Variants in SH3TC1 observed in about 807,000 individuals in gnomAD.
The protein encoded by SH3TC1 is SH3 domain and tetratricopeptide repeats 1.
In SH3TC1, 135 loss-of-function variants were observed where a neutral mutation model predicts 117.3. The ratio of observed to expected loss-of-function variants is 1.15; its 90% confidence interval spans 1.00 to 1.33. The LOEUF is 1.33. SH3TC1 is among the 40% of genes most tolerant of loss of function. The probability of loss-of-function intolerance (pLI) is 0.00; values close to 1 mark genes in which losing one functional copy is unlikely to be tolerated. For missense variants in SH3TC1, 2,092 were observed against 1,794.3 expected (o/e 1.17, Z -3.00); for synonymous variants, 898 against 816.9 (o/e 1.10, Z -1.69).
intron 9 of SH3TC1, among the ~76,000 whole-genome samples, chr4:8,222,361 GTTTTTTTTT>G (rs5856006): frequency 1.2e-4 from 5 of 40,318 alleles, no homozygotes; most frequent in African/African-American, 2.0e-4. Context: ...TCAGGATCTG[GTTTTTTTTT>G]TTTTTTTTTT....
chr4:8,188,169 G>A (rs1277469461), intron 1 of SH3TC1, among the ~76,000 whole-genome samples: 1 of 152,154 alleles, frequency 6.6e-6, no homozygotes, highest in Non-Finnish European at 1.5e-5. Flanking sequence ...AGCTCTCTAC[G>A]GGCAGGACTG....
At chr4:8,189,822 G>A (rs1717358390) in intron 1 of SH3TC1, among the ~76,000 whole-genome samples, 2 of 152,280 alleles carry the variant, frequency 1.3e-5, no homozygotes, top group East Asian at 1.9e-4. Flanking sequence ...CCCCGCCGGC[G>A]TGAGCTCCCC....
At chr4:8,228,711 T>G in intron 12 of SH3TC1, 67 bp downstream of exon 12, 1 of 1,262,900 alleles carries the variant, frequency 7.9e-7, no homozygotes, top group Non-Finnish European at 1.1e-6. Flanking sequence ...CTGGGGTTTG[T>G]GATTCAGACA....
rs1289056170 is a variant in SH3TC1 at position 8,214,485 on chromosome 4, C to A, written c.386C>A (p.Ala129Asp). Residue 129 changes from alanine (A) to aspartate (D), a missense_variant, in exon 5 of 18, where the codon GCC becomes GAC. By Grantham distance (126) the Ala-to-Asp change is moderately radical. Coordinates refer to ENST00000245105, the MANE Select transcript of SH3TC1 (RefSeq NM_018986.5). Reference protein sequence around the residue: ...EMARVLGELSARLLSIHSDQD... With the variant: ...EMARVLGELSDRLLSIHSDQD... ...TTTCTTTCTCTTAAGGAATTATCAG[C>A]CAGGCTGCTGTCCATCCACAGTGAC... is the stretch of plus-strand genomic sequence containing the variant. The A allele has an allele frequency of 1.5e-5, 24 of 1,613,706 alleles. No homozygotes were observed.
At position 8,225,205 on chromosome 4, in the gene SH3TC1, C is replaced by T. The variant is rs769131115; in HGVS notation, c.1274C>T (p.Pro425Leu). 20 of 1,613,810 alleles carry T rather than the reference C, an allele frequency of 1.2e-5. No homozygotes were observed. Among genetic ancestry groups the T allele is most frequent in the Non-Finnish European group, 1.6e-5 (19 of 1,179,916 alleles). The change falls in exon 11 of 18, where the codon CCG (proline) becomes CTG (leucine). Residue 425 changes from proline (P) to leucine (L), a missense_variant. Physicochemically the swap from Pro to Leu is moderately conservative, Grantham distance 98. Coordinates refer to ENST00000245105, the MANE Select transcript of SH3TC1 (RefSeq NM_018986.5). The surrounding 1 kb of genome is among the most constrained non-coding windows in gnomAD (Gnocchi z 5.5). ...GTAGAGGAAGCTGAGACCGAGCAGCCGCAGGAAAAAGGTGGGTTTTGCCAG... is the reference window on the plus strand; with the variant it reads ...GTAGAGGAAGCTGAGACCGAGCAGCTGCAGGAAAAAGGTGGGTTTTGCCAG... ...DSVEEAETEQ[P>L]QEKEIPPPCL... is the part of the protein sequence containing the mutation.
chr4:8,236,256 A>C (rs997099201), intron 15 of SH3TC1, 22 bp from the exon 16 acceptor site: 1 of 1,531,138 alleles, frequency 6.5e-7, no homozygotes, highest in East Asian at 2.5e-5. Flanking sequence ...GGGAAGCCTG[A>C]CCCCACCTGC....
intron 12 of SH3TC1, chr4:8,231,381 T>A (rs1484467028): frequency 6.4e-6 from 1 of 155,134 alleles, no homozygotes; most frequent in African/African-American, 2.4e-5. Context: ...GTGGCGTGTG[T>A]GATAGATGTC....
chr4:8,229,975 T>C (rs944045923), intron 12 of SH3TC1, among the ~76,000 whole-genome samples: 1 of 142,804 alleles, frequency 7.0e-6, no homozygotes, highest in Non-Finnish European at 1.6e-5. Context: ...GGATCATGCT[T>C]CCCTGTCTCC....
intron 12 of SH3TC1, among the ~76,000 whole-genome samples, chr4:8,230,940 C>T (rs893062139): frequency 4.6e-5 from 7 of 151,826 alleles, no homozygotes; most frequent in Non-Finnish European, 7.4e-5. Context: ...CCACCACACC[C>T]GGCTAATTTT....
intron 3 of SH3TC1, among the ~76,000 whole-genome samples, 153 bp from the exon 4 acceptor site, chr4:8,212,548 G>C (rs1718840349): frequency 6.6e-6 from 1 of 152,220 alleles, no homozygotes; most frequent in Non-Finnish European, 1.5e-5. Flanking sequence ...GCAAGGTTGA[G>C]ATCTAAACCC....
chr4:8,211,907 G>C (rs1180108147), intron 3 of SH3TC1, among the ~76,000 whole-genome samples: 1 of 152,110 alleles, frequency 6.6e-6, no homozygotes, highest in East Asian at 1.9e-4. Flanking sequence ...AGGGCCGATG[G>C]GTCGGACCAT....
At position 8,212,683 on chromosome 4, in the gene SH3TC1, C is replaced by T; in HGVS notation, c.248-18C>T. On this transcript the variant is annotated intron_variant, in intron 3 of 17. Transcript: ENST00000245105. ...GCCCAGGTCAGACCAACTGCCCAAC[C>T]TCCGTCTGCCCCTCCAGACCTGACC... is the stretch of plus-strand genomic sequence containing the variant. The T allele has an allele frequency of 9.9e-6, 16 of 1,612,776 alleles. No homozygotes were observed. Among genetic ancestry groups the T allele is most frequent in the Non-Finnish European group, 1.2e-5 (14 of 1,179,888 alleles).
rs1257507739 is a variant in SH3TC1, at chr4:8,240,766, G to A, written c.3822G>A (p.Lys1274=). The A allele has an allele frequency of 6.2e-7, 1 of 1,612,398 alleles. No homozygotes were observed. The highest frequency in any genetic ancestry group is 8.5e-7 in the Non-Finnish European group (1 of 1,179,286). ...LAAAVDLGNK[K]AQLKIYTRLA... ...CCGCCGTGGACCTGGGCAACAAGAA[G>A]GCACAGCTGAAGATCTACACGCGGC... Residue 1274 remains lysine (K), a synonymous_variant, in exon 18 of 18, where the codon AAG becomes AAA. Transcript: ENST00000245105.
rs188655413 is a variant in SH3TC1, at chr4:8,183,793, C to T, written c.-57+1583C>T. On this transcript the variant is annotated intron_variant, in intron 1 of 16. Coordinates refer to the SH3TC1 transcript ENST00000508641. This position sits in a 1 kb window ranked among gnomAD's most constrained non-coding sequence, Gnocchi z 5.4. ...ATTACCAGCTGCAGCCCACACCTGA[C>T]TCAGATTTCCTTCGTCTTTACCTAA... 7.9e-5 allele frequency among the ~76,000 whole-genome samples: 12 copies of T among 152,298 alleles called. No homozygotes were observed. In the East Asian group the frequency reaches 2.3e-3, roughly 29 times the overall value.
chr4:8,239,296 CAT>C (rs1323738777), intron 17 of SH3TC1, among the ~76,000 whole-genome samples: 3 of 141,724 alleles, frequency 2.1e-5, no homozygotes, highest in East Asian at 2.6e-4. Flanking sequence ...GACATGCACA[CAT>C]GAGCACACAC....
At chr4:8,218,724 C>A (rs1030617629) in intron 8 of SH3TC1, among the ~76,000 whole-genome samples, 2 of 152,266 alleles carry the variant, frequency 1.3e-5, no homozygotes, top group African/African-American at 4.8e-5. Flanking sequence ...TGGGAAACGC[C>A]TGGAAGGCCC....
chr4:8,191,835 C>T (rs534550878), intron 1 of SH3TC1, among the ~76,000 whole-genome samples: 1 of 152,178 alleles, frequency 6.6e-6, no homozygotes, highest in African/African-American at 2.4e-5. Flanking sequence ...ACACTGCGTT[C>T]AGCAGAGACA....
In SH3TC1 at chr4:8,227,157, A is replaced by G. The variant is rs1338892176; in HGVS notation, c.1463A>G (p.Glu488Gly). The change falls in exon 12 of 18, where the codon GAA (glutamate) becomes GGA (glycine). Residue 488 changes from glutamate (E) to glycine (G), a missense_variant. Physicochemically the swap from Glu to Gly is moderately conservative, Grantham distance 98 (BLOSUM62 -2). Coordinates refer to ENST00000245105, the MANE Select transcript of SH3TC1 (RefSeq NM_018986.5). Reference sequence around the variant, plus strand: ...CCCGAGGAGCCCTCCTTCTGCTTGGAAGCCGAGGACGACTGGGAGGACCCA... The same window carrying G: ...CCCGAGGAGCCCTCCTTCTGCTTGGGAGCCGAGGACGACTGGGAGGACCCA... The part of the protein sequence containing the change: ...QDPEEPSFCL[E>G]AEDDWEDPEA... 1.2e-6 allele frequency: 2 copies of G among 1,608,642 alleles called. No individual in the cohort carries two copies. Among genetic ancestry groups the G allele is most frequent in the Non-Finnish European group, 1.7e-6 (2 of 1,177,826 alleles).
chr4:8,232,362 G>A (rs1016773480), intron 13 of SH3TC1: 5 of 1,581,482 alleles, frequency 3.2e-6, no homozygotes, highest in South Asian at 2.2e-5. Context: ...AGCTTCCCTT[G>A]TTGGGTGACA....
Sources: allele counts gnomAD v4.1 joint callset (sites outside exome capture counted in the v4.1 genomes callset), GRCh38; gene constraint gnomAD v4.1.1; non-coding constraint Gnocchi (gnomAD v3.1); transcripts MANE v1.5; gene names NCBI Gene and HGNC (gene_info 2026-07-23, HGNC 2026-07-21).